The following FILIP1L variants were observed in gnomAD, a reference collection of about 807,000 sequenced individuals.
The protein encoded by FILIP1L is filamin A interacting protein 1 like, also known as filamin A-interacting protein 1-like.
FILIP1L carries 55 observed loss-of-function variants against 96.6 expected under a neutral mutation model. The observed-to-expected ratio is 0.57, with a 90% CI of 0.46 to 0.71. FILIP1L has a LOEUF of 0.71. Ranked by LOEUF, FILIP1L falls within the 30% of genes least tolerant of loss-of-function variation. The pLI is 0.00. For missense variants in FILIP1L, 1,304 were observed against 1,321.2 expected (o/e 0.99, Z 0.20); for synonymous variants, 467 against 473.9 (o/e 0.99, Z 0.19).
intron 1 of FILIP1L, among the ~76,000 whole-genome samples, chr3:100,102,437 G>T (rs1431501967): frequency 6.6e-6 from 1 of 152,120 alleles, no homozygotes; most frequent in Non-Finnish European, 1.5e-5. Flanking sequence ...CCTAAGATGT[G>T]CACAGAAGAA....
intron 1 of FILIP1L, among the ~76,000 whole-genome samples, chr3:100,032,979 G>A (rs1388528397): frequency 1.3e-5 from 2 of 151,698 alleles, no homozygotes; most frequent in Non-Finnish European, 2.9e-5. Flanking sequence ...CAAGTACCAG[G>A]GCCAAACTGC....
intron 4 of FILIP1L, among the ~76,000 whole-genome samples, chr3:99,856,915 CATA>C (rs1360399940): frequency 6.6e-6 from 1 of 152,104 alleles, no homozygotes. Flanking sequence ...CAGTCATACC[CATA>C]ATAACTTATA....
intron 1 of FILIP1L, among the ~76,000 whole-genome samples, chr3:99,937,586 A>C (rs1476895840): frequency 1.3e-5 from 2 of 152,214 alleles, no homozygotes; most frequent in African/African-American, 4.8e-5. Flanking sequence ...AGATAATGGT[A>C]CTTGCTAATG....
At position 99,849,370 on chromosome 3, in the gene FILIP1L, T is replaced by G. The variant is rs965955142; in HGVS notation, c.2306A>C (p.Lys769Thr). ...DLGREIENLT[K>T]ELERYRHFSK... ...GAAATGCCGGTACCTCTCTAACTCC[T>G]TAGTGAGGTTTTCAATCTCTCTTCC... Residue 769 changes from lysine (K) to threonine (T), a missense_variant, in exon 5 of 6, where the codon AAG becomes ACG. Physicochemically the swap from Lys to Thr is moderately conservative, Grantham distance 78. Coordinates refer to ENST00000477258, the MANE Select transcript of FILIP1L (RefSeq NM_001387850.1). The G allele has an allele frequency of 5.0e-6, 8 of 1,614,098 alleles. No individual in the cohort carries two copies. Among genetic ancestry groups the G allele is most frequent in the Non-Finnish European group, 5.1e-6 (6 of 1,180,052 alleles).
intron 4 of FILIP1L, among the ~76,000 whole-genome samples, chr3:99,854,638 C>A (rs1220387050): frequency 3.6e-4 from 54 of 151,486 alleles, no homozygotes; most frequent in Admixed American, 3.6e-3. Context: ...AGCAGCATCC[C>A]TTTGTTGTGA....
At chr3:100,100,354 G>A (rs1302710686) in intron 1 of FILIP1L, among the ~76,000 whole-genome samples, 1 of 152,178 alleles carries the variant, frequency 6.6e-6, no homozygotes, top group Non-Finnish European at 1.5e-5. Flanking sequence ...CACCTAGAAT[G>A]TACCATGTAC....
rs778627224 is a variant in FILIP1L, at chr3:99,849,123, C to G, written c.2553G>C (p.Gln851His). The G allele has an allele frequency of 6.2e-7, 1 of 1,614,148 alleles. No homozygotes were observed. Among genetic ancestry groups the G allele is most frequent in the African/African-American group, 1.3e-5 (1 of 75,030 alleles). ...EGSVLSFKCS[Q>H]STPCPVNRKL... ...TTCTGTTAACAGGACATGGAGTAGA[C>G]TGGCTGCATTTGAAGGACAGCACAG... The change falls in exon 5 of 6, where the codon CAG becomes CAC. Residue 851 changes from glutamine to histidine, a missense_variant. Gln to His is a conservative substitution (Grantham distance 24). Coordinates refer to ENST00000477258, the MANE Select transcript of FILIP1L (RefSeq NM_001387850.1).
intron 1 of FILIP1L, among the ~76,000 whole-genome samples, chr3:99,997,181 G>T (rs1399572022): frequency 1.3e-5 from 2 of 152,204 alleles, no homozygotes; most frequent in African/African-American, 4.8e-5. Context: ...ATGAAAAGTT[G>T]GTTCTTTGAA....
intron 5 of FILIP1L, among the ~76,000 whole-genome samples, chr3:99,840,221 C>CTTTTTTTTTTTTTTTTTTTT: frequency 9.8e-6 from 1 of 102,144 alleles, no homozygotes; most frequent in Non-Finnish European, 1.9e-5. Flanking sequence ...TTCGTAGAAT[C>CTTTTTTTTTTTTTTTTTTTT]TTTTTTTTTT....
chr3:100,100,808 T>G (rs79156324), intron 1 of FILIP1L, among the ~76,000 whole-genome samples: 4,972 of 152,238 alleles, frequency 0.033, 284 homozygotes, highest in African/African-American at 0.11. Context: ...CATATTCTGG[T>G]GAAGTGCTGT....
At chr3:100,087,951 C>T (rs1466906403) in intron 1 of FILIP1L, among the ~76,000 whole-genome samples, 1 of 151,672 alleles carries the variant, frequency 6.6e-6, no homozygotes, top group Non-Finnish European at 1.5e-5. Context: ...CTGCCTCAGC[C>T]TCTCAAGTAG....
chr3:99,956,537 G>A (rs1708324450), intron 1 of FILIP1L, among the ~76,000 whole-genome samples: 1 of 152,114 alleles, frequency 6.6e-6, no homozygotes, highest in Non-Finnish European at 1.5e-5. Flanking sequence ...ATTATAGATG[G>A]GGTTTCACCA....
chr3:100,091,284 C>CAA (rs570908389), intron 1 of FILIP1L, among the ~76,000 whole-genome samples: 10 of 58,974 alleles, frequency 1.7e-4, no homozygotes, highest in South Asian at 5.8e-4. Context: ...GACTCCGTCT[C>CAA]AAAAAAAAAA....
intron 4 of FILIP1L, 65 bp downstream of exon 4, chr3:99,924,165 G>A (rs953480405): frequency 2.5e-5 from 33 of 1,331,408 alleles, no homozygotes; most frequent in Non-Finnish European, 3.3e-5. Flanking sequence ...GTATCCCTGA[G>A]ACCTGGTACA....
rs1453342021 is a variant in FILIP1L, at chr3:100,078,657, G to A, written c.-11+35396C>T. Among the ~76,000 whole-genome samples the A allele has an allele frequency of 2.6e-5, 4 of 152,064 alleles. No homozygotes were observed. The East Asian group carries it at 7.7e-4, about 29-fold the overall frequency. ...TGTAATCCCAGCACTTTGGGAGGCC[G>A]AGGCAGGCAGATCACTTGAAGTCAG... On this transcript the variant is annotated intron_variant, in intron 1 of 5. Transcript: ENST00000477258.
chr3:100,108,353 A>G (rs528338085), intron 1 of FILIP1L, among the ~76,000 whole-genome samples: 2 of 152,270 alleles, frequency 1.3e-5, no homozygotes, highest in African/African-American at 4.8e-5. Flanking sequence ...ACAGCCTCTC[A>G]TTATTGAGCA....
chr3:99,953,220 ATATTGGTTAAGT>A (rs1267707208), intron 1 of FILIP1L, among the ~76,000 whole-genome samples: 3 of 152,122 alleles, frequency 2.0e-5, no homozygotes, highest in African/African-American at 7.2e-5. Flanking sequence ...TCATTTATTT[ATATTGGTTAAGT>A]TATTGGTTAA....
intron 4 of FILIP1L, among the ~76,000 whole-genome samples, chr3:99,861,071 C>T (rs77248672): frequency 0.039 from 5,929 of 151,846 alleles, 149 homozygotes; most frequent in Non-Finnish European, 0.062. Context: ...TTGTTTTCCT[C>T]CCCCACCCCC....
rs144309847 is a variant in FILIP1L, at chr3:99,840,761, C to T, written c.3381+7534G>A. Among the ~76,000 whole-genome samples the T allele has an allele frequency of 1.8e-3, 274 of 152,250 alleles. 1 individual carries two copies. The highest frequency in any genetic ancestry group is 6.8e-3 in the Middle Eastern group (2 of 294). ...ATCTTAAAGATCACCAAGTTCAATT[C>T]GCTTATTTCACAAAGGTTAAATGAC... On this transcript the variant is annotated intron_variant, in intron 5 of 5. Transcript: ENST00000477258.
Sources: gnomAD v4.1 joint callset for allele counts (sites outside exome capture counted in the v4.1 genomes callset) on GRCh38, gnomAD v4.1.1 for gene constraint, MANE v1.5 for transcripts, NCBI Gene and HGNC (gene_info 2026-07-23, HGNC 2026-07-21) for gene names.